The following ATXN7 variants were observed in gnomAD, a reference collection of about 807,000 sequenced individuals.
The protein encoded by ATXN7 is ataxin 7, also known as ataxin-7.
ATXN7 carries 12 observed loss-of-function variants against 70.5 expected under a neutral mutation model. The ratio of observed to expected loss-of-function variants is 0.17; its 90% CI spans 0.11 to 0.28. ATXN7 has a LOEUF of 0.28. Among genes scored for constraint, ATXN7 ranks in the 10% least tolerant of loss-of-function variants. The pLI is 1.00. For synonymous variants in ATXN7, 498 were observed against 448.7 expected (o/e 1.11, Z -1.39); for missense variants, 1,256 against 1,131.7 (o/e 1.11, Z -1.58).
chr3:63,867,465 G>T (rs75720614), intron 1 of ATXN7, among the ~76,000 whole-genome samples: 1 of 152,084 alleles, frequency 6.6e-6, no homozygotes, highest in Non-Finnish European at 1.5e-5. Context: ...CAGCCTCCCA[G>T]AGTGCTGGGA....
intron 4 of ATXN7, among the ~76,000 whole-genome samples, chr3:63,927,250 A>G (rs892563415): frequency 5.9e-5 from 9 of 152,268 alleles, no homozygotes; most frequent in Admixed American, 4.6e-4. Flanking sequence ...ATCACTCTCT[A>G]TATTGCTTTA....
chr3:63,946,242 G>A lies in ATXN7; in HGVS notation c.395-6137G>A, dbSNP rs1190934834. Among the ~76,000 whole-genome samples the A allele has an allele frequency of 2.6e-5, 4 of 152,152 alleles. No individual in the cohort carries two copies. The East Asian group carries it at 7.7e-4, about 29-fold the overall frequency. The stretch of plus-strand genomic sequence containing the variant: ...GCAGGCATAAAGGGTATGAGTAGGA[G>A]CCTAGCAGAGAGGGCATTGGGGCTA... On this transcript the variant is annotated intron_variant, in intron 4 of 12. Coordinates refer to ENST00000674280, the MANE Select transcript of ATXN7 (RefSeq NM_001377405.1).
intron 4 of ATXN7, among the ~76,000 whole-genome samples, chr3:63,924,661 C>T (rs947682277): frequency 8.5e-5 from 13 of 152,072 alleles, no homozygotes; most frequent in African/African-American, 2.4e-4. Flanking sequence ...GCCAGAGAAT[C>T]GATCTCTGGC....
At chr3:63,935,020 C>A (rs112414761) in intron 4 of ATXN7, among the ~76,000 whole-genome samples, 31 of 152,252 alleles carry the variant, frequency 2.0e-4, no homozygotes, top group Non-Finnish European at 3.8e-4. Context: ...TGCTTGAAAA[C>A]CACAACTTTA....
At chr3:63,971,682 T>G (rs2106725497) in intron 5 of ATXN7, among the ~76,000 whole-genome samples, 1 of 152,234 alleles carries the variant, frequency 6.6e-6, no homozygotes, top group African/African-American at 2.4e-5. Flanking sequence ...TACATATATA[T>G]ATAAAAAACT....
chr3:63,908,516 T>C (rs1703913228), intron 2 of ATXN7, among the ~76,000 whole-genome samples: 1 of 152,206 alleles, frequency 6.6e-6, no homozygotes, highest in East Asian at 1.9e-4. Context: ...TCCTTTGGGG[T>C]TGATAATGGA....
intron 2 of ATXN7, among the ~76,000 whole-genome samples, chr3:63,902,654 T>C (rs1233328907): frequency 2.0e-5 from 3 of 152,096 alleles, no homozygotes; most frequent in African/African-American, 7.2e-5. Flanking sequence ...GCTATAAATA[T>C]AGCACCATAT....
chr3:63,992,383 T>C (rs960645490), intron 11 of ATXN7, among the ~76,000 whole-genome samples: 2 of 152,196 alleles, frequency 1.3e-5, no homozygotes, highest in Admixed American at 1.3e-4. Flanking sequence ...TTGGGGGTTC[T>C]GCAGGGGTTT....
chr3:63,992,591 G>A (rs2075689555), intron 11 of ATXN7, among the ~76,000 whole-genome samples: 1 of 152,202 alleles, frequency 6.6e-6, no homozygotes. Flanking sequence ...GGCAAAGATA[G>A]TTTCAGTTCC....
At position 63,988,441 on chromosome 3, in the gene ATXN7, G is replaced by A. The variant is rs1385025595; in HGVS notation, c.1361+117G>A. 1.5e-5 allele frequency: 19 copies of A among 1,309,684 alleles called. 1 individual carries two copies. The Admixed American group carries it at 3.4e-4, about 24-fold the overall frequency. 81.1% of individuals were successfully genotyped at this position (1,309,684 alleles called of 1,614,324 possible). ...ATATCTCAGGCTCACTGTGGAGATA[G>A]TTTTTTAAGGAGTTTTACTATGAAA... On this transcript the variant is annotated intron_variant, in intron 9 of 12. Transcript: ENST00000674280.
intron 4 of ATXN7, among the ~76,000 whole-genome samples, chr3:63,913,742 A>G (rs1575885996): frequency 6.6e-6 from 1 of 152,182 alleles, no homozygotes; most frequent in Admixed American, 6.5e-5. Context: ...CGAGCTGCCA[A>G]TATCACGGGG....
chr3:63,948,972 G>A (rs748323545), intron 4 of ATXN7, among the ~76,000 whole-genome samples: 4 of 152,164 alleles, frequency 2.6e-5, no homozygotes, highest in Admixed American at 6.5e-5. Flanking sequence ...TATATTACAA[G>A]TATATTTTGT....
At position 63,952,467 on chromosome 3, in the gene ATXN7, A is replaced by G. The variant is rs2074970639; in HGVS notation, c.483A>G (p.Ala161=). 6.2e-7 allele frequency: 1 copy of G among 1,610,056 alleles called. No homozygotes were observed. The highest frequency in any genetic ancestry group is 2.2e-5 in the East Asian group (1 of 44,778). ...GTAATCAGGTTGTCAAACCGCAGGC[A>G]TTTCAATCACATTATGGTAAGTGCT... is the stretch of plus-strand genomic sequence containing the variant. ...NDCNQVVKPQ[A]FQSHYERRHS... The change falls in exon 5 of 13, where the codon GCA becomes GCG. Residue 161 remains alanine (A), a synonymous_variant. Coordinates refer to ENST00000674280, the MANE Select transcript of ATXN7 (RefSeq NM_001377405.1).
chr3:63,923,490 G>A (rs1221148656), intron 4 of ATXN7, among the ~76,000 whole-genome samples: 1 of 152,204 alleles, frequency 6.6e-6, no homozygotes, highest in Non-Finnish European at 1.5e-5. Context: ...TAACATTTGA[G>A]CTGAGACCAG....
intron 4 of ATXN7, among the ~76,000 whole-genome samples, chr3:63,923,491 C>G (rs565233528): frequency 1.3e-5 from 2 of 152,306 alleles, no homozygotes; most frequent in Admixed American, 6.5e-5. Context: ...AACATTTGAG[C>G]TGAGACCAGA....
At chr3:63,998,292 C>T (rs1576010029) in intron 12 of ATXN7, 1 of 985,072 alleles carries the variant, frequency 1.0e-6, no homozygotes, top group African/African-American at 1.7e-5. Flanking sequence ...CATTTGTTAC[C>T]AGTTTTAAAG....
At chr3:63,900,276 C>T (rs1703586790) in intron 2 of ATXN7, among the ~76,000 whole-genome samples, 1 of 152,182 alleles carries the variant, frequency 6.6e-6, no homozygotes, top group Admixed American at 6.5e-5. Context: ...TGTGATGCCA[C>T]AATCAGGTTT....
intron 8 of ATXN7, 66 bp downstream of exon 8, chr3:63,983,087 C>T: frequency 8.2e-7 from 1 of 1,224,724 alleles, no homozygotes; most frequent in Non-Finnish European, 1.2e-6. Context: ...ATGTACCACA[C>T]TACTCCCACA....
intron 2 of ATXN7, among the ~76,000 whole-genome samples, chr3:63,909,487 A>T (rs567481832): frequency 6.6e-6 from 1 of 152,336 alleles, no homozygotes; most frequent in East Asian, 1.9e-4. Flanking sequence ...TTATCTAGGT[A>T]AGAGGTCATC....
Sources: allele counts gnomAD v4.1 joint callset (sites outside exome capture counted in the v4.1 genomes callset), GRCh38; gene constraint gnomAD v4.1.1; transcripts MANE v1.5; gene names NCBI Gene and HGNC (gene_info 2026-07-23, HGNC 2026-07-21).